The following TSC2 variants were observed in gnomAD, a reference collection of about 807,000 sequenced individuals.
The protein encoded by TSC2 is TSC complex subunit 2, also known as tuberin.
TSC2 carries 29 observed loss-of-function variants against 202.2 expected under a neutral mutation model. That is an observed-to-expected ratio of 0.14 (90% confidence interval 0.11 to 0.20). TSC2 has a LOEUF of 0.20. Among genes scored for constraint, TSC2 ranks in the 10% least tolerant of loss-of-function variants. TSC2 has a pLI of 1.00. For synonymous variants in TSC2, 1,349 were observed against 1,044.0 expected (o/e 1.29, Z -5.63); for missense variants, 2,429 against 2,420.0 (o/e 1.00, Z -0.08).
chr16:2,085,392 G>C (rs528490093), intron 36 of TSC2, 70 bp downstream of exon 36: 15 of 1,540,176 alleles, frequency 9.7e-6, no homozygotes, highest in Admixed American at 1.7e-5. Context: ...TGGGTAGGGA[G>C]TCTGGGCCCC....
chr16:2,088,027 G>T (rs45517390), intron 39 of TSC2, 21 bp from the exon 40 acceptor site: 1 of 1,611,616 alleles, frequency 6.2e-7, no homozygotes, highest in Non-Finnish European at 8.5e-7. Flanking sequence ...TGGGCCTGGC[G>T]TGACCACCAA....
rs1555440900 is a variant in TSC2, at chr16:2,088,331, G to A, written c.5259+6G>A. 1.2e-6 allele frequency: 2 copies of A among 1,612,496 alleles called. No homozygotes were observed. Among genetic ancestry groups the A allele is most frequent in the African/African-American group, 1.3e-5 (1 of 74,948 alleles). On this transcript the variant is annotated splice_donor_region_variant and intron_variant, in intron 41 of 41. Coordinates refer to ENST00000219476, the MANE Select transcript of TSC2 (RefSeq NM_000548.5). ...TCAAGCGGCTCCGCCAGCGGGTAGG[G>A]AATATGGGGCTCCCTCAGCGGGGTG...
chr16:2,086,519 A>T lies in TSC2; in HGVS notation c.4849+140A>T, dbSNP rs548836002. ...TCCCCACGCCTCAGGTTCCGAGCCT[A>T]ACAGCGTGGGCATGGAGGCAGTGAT... On this transcript the variant is annotated intron_variant, in intron 37 of 41. Transcript: ENST00000219476. 1.1e-3 allele frequency: 1,610 copies of T among 1,415,420 alleles called. 1 individual carries two copies. Among genetic ancestry groups the T allele is most frequent in the Non-Finnish European group, 1.5e-3 (1,550 of 1,038,828 alleles). The allele number at this position is 1,415,420 out of a possible 1,614,324, so 87.7% of individuals were successfully genotyped here.
Position 2,077,514 on chromosome 16 carries a change from C to A in TSC2, c.2838-84C>A. 1.9e-6 allele frequency: 3 copies of A among 1,598,878 alleles called. No individual in the cohort carries two copies. The Middle Eastern group carries it at 6.1e-4, about 326-fold the overall frequency. On this transcript the variant is annotated intron_variant, in intron 25 of 41. Coordinates refer to ENST00000219476, the MANE Select transcript of TSC2 (RefSeq NM_000548.5). ...CCTGACCCTGTGGCCTGGGACCTTT[C>A]CTCCTCACCCCTCCACTGGCTTGTT...
intron 38 of TSC2, 123 bp downstream of exon 38, chr16:2,086,994 C>T (rs1311464106): frequency 4.2e-6 from 6 of 1,439,822 alleles, no homozygotes; most frequent in Admixed American, 2.0e-5. Context: ...GGCCGCAGTG[C>T]TCAGGGCCCC....
Position 2,080,494 on chromosome 16 carries a change from T to C in TSC2, c.3610+117T>C, listed in dbSNP as rs1052521215. 6 of 1,271,320 alleles carry C rather than the reference T, an allele frequency of 4.7e-6. No individual in the cohort carries two copies. The African/African-American group carries it at 7.5e-5, about 16-fold the overall frequency. The allele number at this position is 1,271,320 out of a possible 1,614,324, so 78.8% of individuals were successfully genotyped here. A position where few individuals can be genotyped will look rare whatever the true frequency, so the allele number is the denominator to read the frequency against. Reference sequence around the variant, plus strand: ...GGGATATTTGGGGGTAACTTTTGTTTTTTTTTTGAGACAGAGTCTTGCTCT... The same window carrying C: ...GGGATATTTGGGGGTAACTTTTGTTCTTTTTTTGAGACAGAGTCTTGCTCT... On this transcript the variant is annotated intron_variant, in intron 30 of 41. Coordinates refer to ENST00000219476, the MANE Select transcript of TSC2 (RefSeq NM_000548.5).
chr16:2,083,478 C>T (rs548573476), intron 32 of TSC2: 69 of 767,158 alleles, frequency 9.0e-5, no homozygotes, highest in Admixed American at 5.1e-4. Flanking sequence ...GCCCAACCCC[C>T]GGGCACTCAT....
chr16:2,064,984 G>A (rs2087121591), intron 15 of TSC2: 2 of 196,564 alleles, frequency 1.0e-5, no homozygotes, highest in South Asian at 9.3e-5. Context: ...CGTGGTGGCG[G>A]GCACCTGCAA....
At chr16:2,087,075 A>T (rs2090906218) in intron 38 of TSC2, 1 of 738,726 alleles carries the variant, frequency 1.4e-6, no homozygotes, top group South Asian at 1.8e-5. Flanking sequence ...CCTGCTGCTG[A>T]GTGTCTGTCA....
intron 16 of TSC2, among the ~76,000 whole-genome samples, chr16:2,066,651 C>CTTTTTTTTTTTTTTATTT (rs2087401754): frequency 1.0e-5 from 1 of 98,460 alleles, no homozygotes; most frequent in Non-Finnish European, 1.9e-5. Context: ...TCTGATTTAT[C>CTTTTTTTTTTTTTTATTT]TTTTTTTTTT....
In TSC2 at chr16:2,053,485, G is replaced by T. The variant is rs45517104; in HGVS notation, c.336+33G>T. The T allele has an allele frequency of 2.0e-3, 3,017 of 1,537,496 alleles. 52 individuals are homozygous for T. The African/African-American group carries it at 0.035, about 18-fold the overall frequency. The stretch of plus-strand genomic sequence containing the variant: ...CCAGGGCGACGCTGGGATGGGTGAC[G>T]TCAGGCTGCCCACTGACTGTCCTGT... On this transcript the variant is annotated intron_variant, in intron 4 of 41. Coordinates refer to ENST00000219476, the MANE Select transcript of TSC2 (RefSeq NM_000548.5).
chr16:2,062,958 C>G lies in TSC2; in HGVS notation c.1362-14C>G. ...GGCACTCCCCACCCGCCCCAGCAGG[C>G]TGCCGTCCCGCAGGAGCGAGTCCCG... On this transcript the variant is annotated splice_polypyrimidine_tract_variant and intron_variant, in intron 13 of 41. Coordinates refer to ENST00000219476, the MANE Select transcript of TSC2 (RefSeq NM_000548.5). The G allele has an allele frequency of 6.5e-7, 1 of 1,549,074 alleles. No homozygotes were observed. Among genetic ancestry groups the G allele is most frequent in the Middle Eastern group, 1.9e-4 (1 of 5,296 alleles).
chr16:2,056,388 C>T, intron 7 of TSC2, 144 bp downstream of exon 7: 1 of 1,254,908 alleles, frequency 8.0e-7, no homozygotes, highest in Non-Finnish European at 1.1e-6. Flanking sequence ...AGGAGTCCCC[C>T]ATGTAAGTCA....
intron 30 of TSC2, 61 bp downstream of exon 30, chr16:2,080,438 A>G (rs1340675816): frequency 6.3e-7 from 1 of 1,579,454 alleles, no homozygotes; most frequent in Non-Finnish European, 8.6e-7. Flanking sequence ...AGCTGTGGAC[A>G]CTCAGGGGCG....
intron 25 of TSC2, among the ~76,000 whole-genome samples, chr16:2,077,205 C>G (rs969746913): frequency 1.3e-5 from 2 of 152,218 alleles, no homozygotes; most frequent in African/African-American, 4.8e-5. Flanking sequence ...CAGGGCCTGG[C>G]CACTGAGGCC....
At chr16:2,061,608 C>T (rs2086642572) in intron 11 of TSC2, 4 of 541,768 alleles carry the variant, frequency 7.4e-6, no homozygotes, top group Non-Finnish European at 6.7e-6. Context: ...GCTGCCATCA[C>T]AGCCACTGTG....
At chr16:2,076,256 A>AGGCAGGTGGAG in intron 24 of TSC2, 86 bp downstream of exon 24, 2 of 1,588,800 alleles carry the variant, frequency 1.3e-6, no homozygotes, top group Non-Finnish European at 1.7e-6. Context: ...GCAGAGTGAC[A>AGGCAGGTGGAG]GGCAGGTGGA....
Position 2,064,295 on chromosome 16 carries a change from C to A in TSC2, c.1467C>A (p.Val489=). The A allele has an allele frequency of 1.9e-6, 3 of 1,613,884 alleles. No homozygotes were observed. In the South Asian group the frequency reaches 3.3e-5, roughly 18 times the overall value. ...FYEEELINSV[V]ISQLSHIPED... ...AGGAGGAGCTGATTAACTCAGTGGT[C>A]ATCTCGCAGCTCTCCCACATCCCCG... Residue 489 remains valine (V), a synonymous_variant, in exon 15 of 42, where the codon GTC becomes GTA. Transcript: ENST00000219476.
intron 31 of TSC2, 145 bp downstream of exon 31, chr16:2,081,943 G>C: frequency 8.3e-7 from 1 of 1,202,406 alleles, no homozygotes; most frequent in Non-Finnish European, 1.2e-6. Flanking sequence ...GTTCTCCGGT[G>C]TTTGGGAGGA....
Sources: allele counts gnomAD v4.1 joint callset (sites outside exome capture counted in the v4.1 genomes callset), GRCh38; gene constraint gnomAD v4.1.1; transcripts MANE v1.5; gene names NCBI Gene and HGNC (gene_info 2026-07-23, HGNC 2026-07-21).